The following CEP162 variants were observed in gnomAD, a reference collection of about 807,000 sequenced individuals.
The protein encoded by CEP162 is centrosomal protein 162.
In CEP162, 141 loss-of-function variants were observed where a neutral mutation model predicts 169.2. The ratio of observed to expected loss-of-function variants is 0.83; its 90% CI spans 0.73 to 0.96. The LOEUF (loss-of-function observed/expected upper bound fraction) is 0.96, where lower values mean the gene tolerates loss of function less well. Ranked by LOEUF, CEP162 falls within the 40% of genes least tolerant of loss-of-function variation. The pLI, the probability that CEP162 is intolerant of heterozygous loss-of-function variation, is 0.00. For synonymous variants in CEP162, 540 were observed against 526.4 expected, an observed-to-expected ratio of 1.03 and a Z score of -0.35; for missense variants, 1,600 against 1,587.2, an observed-to-expected ratio of 1.01 and a Z score of -0.14.
chr6:84,214,152 G>A (rs1211621080), intron 5 of CEP162, among the ~76,000 whole-genome samples: 2 of 152,172 alleles, frequency 1.3e-5, no homozygotes, highest in African/African-American at 2.4e-5. Context: ...GGTGGCAGGC[G>A]CCTGTAGTCC....
chr6:84,212,902 T>C (rs2127746982), intron 6 of CEP162, 55 bp downstream of exon 6: 2 of 1,066,304 alleles, frequency 1.9e-6, no homozygotes, highest in East Asian at 5.2e-5. Context: ...AATGTCTTTA[T>C]TAAAAGCTAT....
In CEP162 at chr6:84,160,843, T is replaced by A; in HGVS notation, c.2750A>T (p.Asp917Val). 1.2e-6 allele frequency: 2 copies of A among 1,612,916 alleles called. No homozygotes were observed. The highest frequency in any genetic ancestry group is 8.5e-7 in the Non-Finnish European group (1 of 1,179,154). ...CTCCAGATCCTGAATTTTTTTGGCA[T>A]CTGCTGCTTTATCTTTTAAGCGTAT... is the stretch of plus-strand genomic sequence containing the variant. ...QKIRLKDKAADAKKIQDLERQ... is the reference protein window; with the variant it reads ...QKIRLKDKAAVAKKIQDLERQ... Residue 917 changes from aspartate (D) to valine (V), a missense_variant, in exon 21 of 27, where the codon GAT becomes GTT. Coordinates refer to ENST00000403245, the MANE Select transcript of CEP162 (RefSeq NM_014895.4).
rs1280910840 is a variant in CEP162, at chr6:84,149,612, TTTC to T, written c.3718_3720del (p.Glu1240del). On this transcript the variant is annotated inframe_deletion, in exon 24 of 27. Coordinates refer to ENST00000403245, the MANE Select transcript of CEP162 (RefSeq NM_014895.4). ...AGTTCAGCTACTTTGGAAGAAGAAT[TTTC>T]TACTGCATTTTGGCAAAGGAGTTTC... 5.6e-6 allele frequency: 9 copies of T among 1,605,142 alleles called. No individual in the cohort carries two copies. The highest frequency in any genetic ancestry group is 6.8e-6 in the Non-Finnish European group (8 of 1,175,512).
At position 84,174,985 on chromosome 6, in the gene CEP162, T is replaced by C. The variant is rs1331240336; in HGVS notation, c.1798-31A>G. On this transcript the variant is annotated intron_variant, in intron 14 of 26. Coordinates refer to ENST00000403245, the MANE Select transcript of CEP162 (RefSeq NM_014895.4). ...AAGACAAAGCATTACTTCATTACAG[T>C]AGACTTATGTATAAGATTTGAACAC... 6 of 1,361,434 alleles carry C rather than the reference T, an allele frequency of 4.4e-6. No individual in the cohort carries two copies. In the Admixed American group the frequency reaches 8.5e-5, roughly 19 times the overall value. The allele number at this position is 1,361,434 out of a possible 1,614,324, so 84.3% of individuals were successfully genotyped here.
chr6:84,222,603 A>G (rs1212809059), intron 2 of CEP162, among the ~76,000 whole-genome samples: 3 of 152,260 alleles, frequency 2.0e-5, no homozygotes, highest in Admixed American at 6.5e-5. Flanking sequence ...CTAAGAGGCT[A>G]AGCAACTTGC....
intron 21 of CEP162, among the ~76,000 whole-genome samples, chr6:84,158,920 A>C (rs1485992539): frequency 6.6e-6 from 1 of 151,704 alleles, no homozygotes; most frequent in African/African-American, 2.4e-5. Flanking sequence ...ATACAAAGTA[A>C]ATTTTTTTTA....
chr6:84,192,966 A>C (rs1294284215), intron 11 of CEP162, among the ~76,000 whole-genome samples: 1 of 152,238 alleles, frequency 6.6e-6, no homozygotes, highest in Non-Finnish European at 1.5e-5. Context: ...TCTACCAGTA[A>C]ATTGAGTTAA....
At chr6:84,212,625 A>T (rs1360524190) in intron 6 of CEP162, among the ~76,000 whole-genome samples, 1 of 152,040 alleles carries the variant, frequency 6.6e-6, no homozygotes, top group Non-Finnish European at 1.5e-5. Context: ...AAAAACAAGA[A>T]GATGAAAAGA....
chr6:84,190,567 C>T (rs373511357), intron 11 of CEP162, among the ~76,000 whole-genome samples: 3 of 152,012 alleles, frequency 2.0e-5, no homozygotes, highest in South Asian at 2.1e-4. Flanking sequence ...ACGAGCCCAC[C>T]GGGAGGGAAC....
chr6:84,210,295 G>T (rs2099548931), intron 6 of CEP162, among the ~76,000 whole-genome samples: 1 of 152,136 alleles, frequency 6.6e-6, no homozygotes, highest in Non-Finnish European at 1.5e-5. Context: ...TTCATCTTTT[G>T]TTGGCAAACT....
At chr6:84,132,214 G>A (rs1432271213) in intron 25 of CEP162, among the ~76,000 whole-genome samples, 1 of 152,228 alleles carries the variant, frequency 6.6e-6, no homozygotes, top group African/African-American at 2.4e-5. Context: ...GAGATCTGCT[G>A]TTAGTCTGAT....
chr6:84,203,919 A>C, intron 7 of CEP162, 62 bp downstream of exon 7: 1 of 919,794 alleles, frequency 1.1e-6, no homozygotes, highest in Non-Finnish European at 1.7e-6. Flanking sequence ...TTCATATAGC[A>C]ATAGGCAGCC....
chr6:84,219,771 CA>C (rs961943185), intron 3 of CEP162, among the ~76,000 whole-genome samples: 1 of 152,138 alleles, frequency 6.6e-6, no homozygotes, highest in Non-Finnish European at 1.5e-5. Flanking sequence ...TGTTGAGGGT[CA>C]GGGGATACAA....
chr6:84,147,944 CTGA>C (rs1474393459), intron 24 of CEP162, among the ~76,000 whole-genome samples: 1 of 152,068 alleles, frequency 6.6e-6, no homozygotes, highest in Non-Finnish European at 1.5e-5. Flanking sequence ...TCAGACTATG[CTGA>C]TTTCTCTTTA....
intron 24 of CEP162, among the ~76,000 whole-genome samples, chr6:84,148,216 T>G (rs2099519793): frequency 6.6e-6 from 1 of 152,134 alleles, no homozygotes; most frequent in Non-Finnish European, 1.5e-5. Flanking sequence ...AGTCCTTTTT[T>G]TTCTCAGCGA....
chr6:84,151,435 G>A (rs1297866465), intron 23 of CEP162, among the ~76,000 whole-genome samples: 1 of 151,976 alleles, frequency 6.6e-6, no homozygotes, highest in African/African-American at 2.4e-5. Context: ...GGGAAGGGGA[G>A]CTTGGGAAGG....
In CEP162 at chr6:84,174,274, A is replaced by G. The variant is rs1490731281; in HGVS notation, c.2026-86T>C. 3 of 1,065,194 alleles carry G rather than the reference A, an allele frequency of 2.8e-6. 1 individual carries two copies. Among genetic ancestry groups the G allele is most frequent in the South Asian group, 3.2e-5 (2 of 62,048 alleles). The allele number at this position is 1,065,194 out of a possible 1,614,324, so 66.0% of individuals were successfully genotyped here. ...AAAGAATAACAGGAAACTCCTATTTAGATCGAAAACTGTCTTATAATATTG... is the reference window on the plus strand; with the variant it reads ...AAAGAATAACAGGAAACTCCTATTTGGATCGAAAACTGTCTTATAATATTG... On this transcript the variant is annotated intron_variant, in intron 15 of 26. Transcript: ENST00000403245.
At chr6:84,149,299 T>C (rs1305735778) in intron 24 of CEP162, among the ~76,000 whole-genome samples, 1 of 152,100 alleles carries the variant, frequency 6.6e-6, no homozygotes, top group South Asian at 2.1e-4. Context: ...TTGAGAAGTA[T>C]AGGGACAAAC....
At chr6:84,188,352 C>A (rs964491733) in intron 11 of CEP162, among the ~76,000 whole-genome samples, 10 of 152,032 alleles carry the variant, frequency 6.6e-5, no homozygotes, top group African/African-American at 2.4e-4. Flanking sequence ...AAGCATAGTA[C>A]CCAATAGGTA....
Sources: gnomAD v4.1 joint callset for allele counts (sites outside exome capture counted in the v4.1 genomes callset) on GRCh38, gnomAD v4.1.1 for gene constraint, MANE v1.5 for transcripts, NCBI Gene and HGNC (gene_info 2026-07-23, HGNC 2026-07-21) for gene names.